ZFAT: variants seen among roughly 807,000 people sequenced by gnomAD.
ZFAT encodes zinc finger protein ZFAT.
A neutral mutation model predicts 117.7 loss-of-function variants in ZFAT; 64 were observed. That is an observed-to-expected ratio of 0.54 (90% CI 0.44 to 0.67). ZFAT has a LOEUF of 0.67. Among genes scored for constraint, ZFAT ranks in the 30% least tolerant of loss-of-function variants. ZFAT has a pLI of 0.00. For missense variants in ZFAT, 1,433 were observed against 1,584.5 expected (o/e 0.90, Z 1.62); for synonymous variants, 679 against 615.0 (o/e 1.10, Z -1.54).
chr8:134,655,982 A>G (rs542143698), intron 2 of ZFAT, among the ~76,000 whole-genome samples: 5 of 152,178 alleles, frequency 3.3e-5, no homozygotes, highest in African/African-American at 9.6e-5. Context: ...TGAGCCCAAA[A>G]GGCGGAGGTG....
At chr8:134,527,176 A>G (rs1019194709) in intron 12 of ZFAT, among the ~76,000 whole-genome samples, 2 of 152,150 alleles carry the variant, frequency 1.3e-5, no homozygotes, top group African/African-American at 2.4e-5. Context: ...AGGGCAAGGA[A>G]TGTAGGTAGC....
Position 134,555,817 on chromosome 8 carries a change from A to G in ZFAT, c.2976+9516T>C, listed in dbSNP as rs546202495. Reference sequence around the variant, plus strand: ...AACAAATACGTTAAAAGCTCTAGGAAAAAAAAAATAAAAAACATGTGTGAA... The same window carrying G: ...AACAAATACGTTAAAAGCTCTAGGAGAAAAAAAATAAAAAACATGTGTGAA... On this transcript the variant is annotated intron_variant, in intron 11 of 15. Coordinates refer to ENST00000377838, the MANE Select transcript of ZFAT (RefSeq NM_020863.4). Among the ~76,000 whole-genome samples, 12 of 98,958 alleles carry G rather than the reference A, an allele frequency of 1.2e-4. No individual in the cohort carries two copies. The East Asian group carries it at 2.6e-3, about 21-fold the overall frequency. 64.9% of individuals were successfully genotyped at this position (98,958 alleles called of 152,430 possible). A position where few individuals can be genotyped will look rare whatever the true frequency, so the allele number is the denominator to read the frequency against.
chr8:134,754,648 G>C, the ZFAT span, among the ~76,000 whole-genome samples: 2 of 152,244 alleles, frequency 1.3e-5, no homozygotes, highest in Non-Finnish European at 2.9e-5. Context: ...GGCCTCTGCT[G>C]TGGTCCTCTG....
chr8:134,602,444 G>A lies in ZFAT; in HGVS notation c.1275C>T (p.Val425=). 1 of 1,613,980 alleles carries A rather than the reference G, an allele frequency of 6.2e-7. No individual in the cohort carries two copies. The highest frequency in any genetic ancestry group is 8.5e-7 in the Non-Finnish European group (1 of 1,180,004). ...NELDRDRHML[V]HGDKWPFACE... ...AGGCAAAAGGCCACTTGTCTCCGTG[G>A]ACCAGCATATGGCGGTCACGGTCCA... The change falls in exon 6 of 16, where the codon GTC becomes GTT. Residue 425 remains valine, a synonymous_variant. Transcript: ENST00000377838.
the ZFAT span, among the ~76,000 whole-genome samples, chr8:134,817,245 C>A: frequency 6.6e-6 from 1 of 151,980 alleles, no homozygotes; most frequent in Non-Finnish European, 1.5e-5. Context: ...AACCAGATAA[C>A]CTAAGGAAGA....
chr8:134,775,933 A>G, the ZFAT span, among the ~76,000 whole-genome samples: 1 of 152,236 alleles, frequency 6.6e-6, no homozygotes, highest in South Asian at 2.1e-4. Flanking sequence ...CAGGGAAACA[A>G]AAGGAAGTGA....
chr8:134,565,828 A>AGGAGCAGCTGCATCTTCCTTCCTGGAGT (rs1824420104), intron 10 of ZFAT, among the ~76,000 whole-genome samples: 1 of 151,382 alleles, frequency 6.6e-6, no homozygotes. Context: ...CTTCCTGGAG[A>AGGAGCAGCTGCATCTTCCTTCCTGGAGT]GGAGCAGCTG....
chr8:134,819,498 C>G, the ZFAT span, among the ~76,000 whole-genome samples: 3 of 31,184 alleles, frequency 9.6e-5, no homozygotes, highest in African/African-American at 1.7e-4. Flanking sequence ...GATTTACCAC[C>G]CCCCCCCCCC....
intron 10 of ZFAT, among the ~76,000 whole-genome samples, chr8:134,570,167 T>C (rs190871312): frequency 1.5e-4 from 23 of 152,302 alleles, no homozygotes; most frequent in African/African-American, 5.1e-4. Context: ...ATCCCAGATA[T>C]GCTGTGCTCT....
the ZFAT span, among the ~76,000 whole-genome samples, chr8:134,762,636 G>T: frequency 1.3e-5 from 2 of 152,172 alleles, no homozygotes; most frequent in South Asian, 4.1e-4. Flanking sequence ...CTTGCCATCT[G>T]TATCTTCACT....
At chr8:134,627,329 G>C (rs558833127) in intron 3 of ZFAT, among the ~76,000 whole-genome samples, 9 of 152,294 alleles carry the variant, frequency 5.9e-5, no homozygotes, top group Admixed American at 2.6e-4. Flanking sequence ...GGCAGGACTG[G>C]GGACTGAGAG....
At chr8:134,829,390 T>A in the ZFAT span, among the ~76,000 whole-genome samples, 1 of 152,172 alleles carries the variant, frequency 6.6e-6, no homozygotes, top group Non-Finnish European at 1.5e-5. Flanking sequence ...ATGGGATAAA[T>A]CAGATGACAA....
the ZFAT span, chr8:134,795,464 T>C: frequency 1.5e-5 from 2 of 134,958 alleles, no homozygotes; most frequent in African/African-American, 3.0e-5. Context: ...TTAACAAGTA[T>C]AACAGTTATT....
chr8:134,557,766 T>C (rs1823757438), intron 11 of ZFAT, among the ~76,000 whole-genome samples: 2 of 152,180 alleles, frequency 1.3e-5, no homozygotes, highest in African/African-American at 4.8e-5. Context: ...ATGTTGATAA[T>C]TACACTATAT....
intron 10 of ZFAT, among the ~76,000 whole-genome samples, chr8:134,583,317 T>C (rs879233200): frequency 6.6e-6 from 1 of 152,226 alleles, no homozygotes; most frequent in African/African-American, 2.4e-5. Flanking sequence ...CAATGGTTCT[T>C]AATGAATGAA....
chr8:134,649,595 T>C (rs1176079087), intron 2 of ZFAT, among the ~76,000 whole-genome samples: 2 of 152,202 alleles, frequency 1.3e-5, no homozygotes, highest in South Asian at 2.1e-4. Flanking sequence ...ATGAAAATAG[T>C]TCCATTTACA....
chr8:134,574,144 T>C (rs975372139), intron 10 of ZFAT, among the ~76,000 whole-genome samples: 2 of 152,136 alleles, frequency 1.3e-5, no homozygotes, highest in African/African-American at 4.8e-5. Context: ...GAGGGGGATG[T>C]CAATGTGGTA....
chr8:134,788,780 T>C, the ZFAT span, among the ~76,000 whole-genome samples: 1 of 152,178 alleles, frequency 6.6e-6, no homozygotes, highest in Non-Finnish European at 1.5e-5. Context: ...AGGATCTTTA[T>C]GTGTTTTGGG....
At chr8:134,576,119 A>G (rs1253186243) in intron 10 of ZFAT, among the ~76,000 whole-genome samples, 1 of 152,230 alleles carries the variant, frequency 6.6e-6, no homozygotes, top group Non-Finnish European at 1.5e-5. Flanking sequence ...ACTGTGCCAG[A>G]CATTTGCAGC....
Sources: gnomAD v4.1 joint callset for allele counts (sites outside exome capture counted in the v4.1 genomes callset) on GRCh38, gnomAD v4.1.1 for gene constraint, MANE v1.5 for transcripts, NCBI Gene and HGNC (gene_info 2026-07-23, HGNC 2026-07-21) for gene names.